WWC1: variants seen among roughly 807,000 people sequenced by gnomAD.
The protein encoded by WWC1 is WW and C2 domain containing 1.
Under a neutral mutation model 138.4 loss-of-function variants are expected in WWC1, and 55 were observed. The ratio of observed to expected loss-of-function variants is 0.40; its 90% CI spans 0.32 to 0.50. The LOEUF (loss-of-function observed/expected upper bound fraction) is 0.50, where lower values mean the gene tolerates loss of function less well. WWC1 is among the 20% of genes least tolerant of loss of function. The probability of loss-of-function intolerance (pLI) is 0.72; values close to 1 mark genes in which losing one functional copy is unlikely to be tolerated. For synonymous variants in WWC1, 524 were observed against 564.9 expected (o/e 0.93, Z 1.03); for missense variants, 1,226 against 1,420.4 (o/e 0.86, Z 2.20).
intron 1 of WWC1, among the ~76,000 whole-genome samples, chr5:168,366,281 A>T (rs1434563430): frequency 6.6e-6 from 1 of 152,148 alleles, no homozygotes; most frequent in East Asian, 1.9e-4. Context: ...TGAATAATTC[A>T]TCTCCCTCTT....
chr5:168,315,747 G>A (rs1430642940), intron 1 of WWC1, among the ~76,000 whole-genome samples: 1 of 152,064 alleles, frequency 6.6e-6, no homozygotes, highest in Non-Finnish European at 1.5e-5. Context: ...ACAGAGTAGG[G>A]GTGACGAATG....
At chr5:168,384,827 C>G (rs1301606798) in intron 2 of WWC1, among the ~76,000 whole-genome samples, 2 of 151,584 alleles carry the variant, frequency 1.3e-5, no homozygotes, top group African/African-American at 2.4e-5. Flanking sequence ...AAGCAATTCC[C>G]CTGCCTTAGC....
intron 16 of WWC1, among the ~76,000 whole-genome samples, 172 bp from the exon 17 acceptor site, chr5:168,444,322 A>G (rs1755043392): frequency 1.3e-5 from 2 of 152,236 alleles, no homozygotes. Context: ...GAAGGAATTA[A>G]GGACAATTTT....
intron 8 of WWC1, 150 bp downstream of exon 8, chr5:168,410,145 A>T: frequency 1.3e-6 from 1 of 786,444 alleles, no homozygotes; most frequent in Non-Finnish European, 2.0e-6. Flanking sequence ...TTATATTTTC[A>T]TCCTCTCTGA....
At chr5:168,370,055 CATGCCCAGCTA>C (rs1434682190) in intron 1 of WWC1, among the ~76,000 whole-genome samples, 1 of 146,946 alleles carries the variant, frequency 6.8e-6, no homozygotes, top group Non-Finnish European at 1.5e-5. Flanking sequence ...CACCAGCCAC[CATGCCCAGCTA>C]ATTTTTGCAT....
At chr5:168,465,823 GTT>G (rs1757250197) in intron 21 of WWC1, among the ~76,000 whole-genome samples, 1 of 152,136 alleles carries the variant, frequency 6.6e-6, no homozygotes, top group Non-Finnish European at 1.5e-5. Context: ...CTCCCAAAGT[GTT>G]GCGATTACAG....
chr5:168,445,352 A>T (rs1755153140), intron 17 of WWC1, among the ~76,000 whole-genome samples: 1 of 151,766 alleles, frequency 6.6e-6, no homozygotes, highest in South Asian at 2.1e-4. Context: ...CGGGAGGCTG[A>T]GGCAGGAGGA....
intron 21 of WWC1, among the ~76,000 whole-genome samples, chr5:168,466,120 A>G (rs1235002855): frequency 1.3e-5 from 2 of 152,160 alleles, no homozygotes; most frequent in African/African-American, 4.8e-5. Context: ...TGTTGGGTAC[A>G]GTTTCACAGG....
intron 5 of WWC1, 130 bp from the exon 6 acceptor site, chr5:168,406,068 G>A: frequency 1.7e-6 from 2 of 1,192,856 alleles, no homozygotes; most frequent in East Asian, 2.4e-5. Flanking sequence ...GACCTAGGGA[G>A]GAAGGGTTAG....
intron 1 of WWC1, among the ~76,000 whole-genome samples, chr5:168,334,897 T>A (rs886272739): frequency 3.3e-5 from 5 of 152,170 alleles, no homozygotes; most frequent in African/African-American, 1.2e-4. Context: ...ATGCTACCGG[T>A]CCCTCTGGTA....
At chr5:168,410,706 G>A (rs1780158897) in intron 8 of WWC1, among the ~76,000 whole-genome samples, 1 of 151,490 alleles carries the variant, frequency 6.6e-6, no homozygotes, top group Admixed American at 6.6e-5. Flanking sequence ...CCTTGGCTGA[G>A]ATTGTTTATT....
intron 3 of WWC1, among the ~76,000 whole-genome samples, chr5:168,396,254 G>A (rs572203690): frequency 2.0e-5 from 3 of 152,134 alleles, no homozygotes; most frequent in African/African-American, 4.8e-5. Flanking sequence ...ATGGTGGAGC[G>A]TACCTGTAAT....
chr5:168,373,626 A>G (rs1215579137), intron 2 of WWC1, among the ~76,000 whole-genome samples: 4 of 147,898 alleles, frequency 2.7e-5, no homozygotes, highest in Admixed American at 1.4e-4. Context: ...GCATGTGTCT[A>G]TAGTCCCAGG....
chr5:168,391,344 C>A (rs959920240), intron 3 of WWC1, among the ~76,000 whole-genome samples: 2 of 152,118 alleles, frequency 1.3e-5, no homozygotes, highest in Non-Finnish European at 2.9e-5. Flanking sequence ...GTCCAGGCAA[C>A]ATTGCAAGAT....
chr5:168,390,568 A>G (rs1300839769), intron 3 of WWC1, among the ~76,000 whole-genome samples: 2 of 152,340 alleles, frequency 1.3e-5, no homozygotes, highest in East Asian at 3.9e-4. Flanking sequence ...CCAGTTAAAC[A>G]AGGTGTGACC....
chr5:168,449,032 A>T (rs968989460), intron 17 of WWC1, among the ~76,000 whole-genome samples: 5 of 152,094 alleles, frequency 3.3e-5, no homozygotes, highest in Admixed American at 6.6e-5. Context: ...GCATATGTAC[A>T]TTTTTTTATT....
intron 1 of WWC1, among the ~76,000 whole-genome samples, chr5:168,365,778 A>G (rs1329249589): frequency 6.6e-6 from 1 of 152,180 alleles, no homozygotes. Flanking sequence ...CTGTTGAGAA[A>G]CATTCAGGAA....
At chr5:168,408,419 G>A in intron 6 of WWC1, 88 bp from the exon 7 acceptor site, 1 of 1,478,642 alleles carries the variant, frequency 6.8e-7, no homozygotes, top group Non-Finnish European at 9.2e-7. Context: ...AATTAAGGGA[G>A]GGTAGAGAGG....
chr5:168,317,561 A>G (rs1771714067), intron 1 of WWC1, among the ~76,000 whole-genome samples: 1 of 152,298 alleles, frequency 6.6e-6, no homozygotes, highest in South Asian at 2.1e-4. Flanking sequence ...CACTGAACCC[A>G]GGACTTCCCC....
Sources: gnomAD v4.1 joint callset for allele counts (sites outside exome capture counted in the v4.1 genomes callset) on GRCh38, gnomAD v4.1.1 for gene constraint, MANE v1.5 for transcripts, NCBI Gene and HGNC (gene_info 2026-07-23, HGNC 2026-07-21) for gene names.